Variants in GRM5 observed in about 807,000 individuals in gnomAD.
GRM5 encodes glutamate metabotropic receptor 5.
Under a neutral mutation model 83.1 loss-of-function variants are expected in GRM5, and 19 were observed. The observed-to-expected ratio is 0.23, with a 90% CI of 0.16 to 0.34. The LOEUF (loss-of-function observed/expected upper bound fraction) is 0.34, where lower values mean the gene tolerates loss of function less well. Among genes scored for constraint, GRM5 ranks in the 10% least tolerant of loss-of-function variants. The pLI is 1.00. For missense variants in GRM5, 1,160 were observed against 1,588.3 expected (o/e 0.73, Z 4.58); for synonymous variants, 675 against 633.6 (o/e 1.07, Z -0.98).
intron 2 of GRM5, among the ~76,000 whole-genome samples, chr11:88,944,142 G>A (rs1439518024): frequency 6.6e-6 from 1 of 151,970 alleles, no homozygotes; most frequent in Non-Finnish European, 1.5e-5. Context: ...TTAGGCGGGG[G>A]AAATGAGAAT....
intron 2 of GRM5, among the ~76,000 whole-genome samples, chr11:88,923,061 A>C (rs1274221317): frequency 6.6e-6 from 1 of 152,152 alleles, no homozygotes; most frequent in Non-Finnish European, 1.5e-5. Flanking sequence ...CTCTTATCCA[A>C]AAGACAGGAA....
intron 2 of GRM5, among the ~76,000 whole-genome samples, chr11:88,880,910 G>T (rs1190082779): frequency 1.3e-5 from 2 of 152,044 alleles, no homozygotes; most frequent in African/African-American, 4.8e-5. Context: ...GGAAAAAATT[G>T]CAATACCTAT....
At chr11:88,947,722 A>G (rs1179743445) in intron 2 of GRM5, among the ~76,000 whole-genome samples, 1 of 152,104 alleles carries the variant, frequency 6.6e-6, no homozygotes, top group Non-Finnish European at 1.5e-5. Flanking sequence ...TGGGTTGGGG[A>G]AGAGGGGTCA....
chr11:89,022,661 GACAGA>G (rs1269072306), intron 2 of GRM5, among the ~76,000 whole-genome samples: 2 of 152,062 alleles, frequency 1.3e-5, no homozygotes, highest in Non-Finnish European at 2.9e-5. Flanking sequence ...CAAAGAGATA[GACAGA>G]CAGACAGAGA....
intron 3 of GRM5, among the ~76,000 whole-genome samples, chr11:88,706,223 T>C (rs1941153852): frequency 6.6e-6 from 1 of 152,102 alleles, no homozygotes; most frequent in South Asian, 2.1e-4. Flanking sequence ...CGAGTACTGA[T>C]CAATATCTGT....
chr11:89,060,122 T>C (rs1039821291), intron 1 of GRM5, among the ~76,000 whole-genome samples: 1 of 152,078 alleles, frequency 6.6e-6, no homozygotes, highest in African/African-American at 2.4e-5. Context: ...ATAATGTTTA[T>C]TGTTTAGCCA....
intron 6 of GRM5, among the ~76,000 whole-genome samples, chr11:88,594,067 A>G (rs1306669576): frequency 6.6e-6 from 1 of 152,160 alleles, no homozygotes; most frequent in Non-Finnish European, 1.5e-5. Flanking sequence ...TGCTGGGATT[A>G]CAGGCGTGAG....
intron 2 of GRM5, among the ~76,000 whole-genome samples, chr11:88,851,671 C>T (rs1353997668): frequency 3.3e-5 from 5 of 152,160 alleles, no homozygotes; most frequent in African/African-American, 1.2e-4. Flanking sequence ...TGCTACCATA[C>T]CACAGGTACC....
intron 2 of GRM5, among the ~76,000 whole-genome samples, chr11:88,987,281 C>T (rs1260304451): frequency 6.6e-6 from 1 of 152,146 alleles, no homozygotes; most frequent in Non-Finnish European, 1.5e-5. Flanking sequence ...CACTCCCACC[C>T]AAATACTGCG....
intron 2 of GRM5, among the ~76,000 whole-genome samples, chr11:88,987,782 G>C (rs1186011017): frequency 2.0e-5 from 3 of 151,678 alleles, no homozygotes; most frequent in East Asian, 1.9e-4. Flanking sequence ...TACTCCAACA[G>C]ACCTGCAGCT....
chr11:88,650,616 A>G (rs72639179), intron 4 of GRM5, among the ~76,000 whole-genome samples: 1 of 152,038 alleles, frequency 6.6e-6, no homozygotes, highest in Non-Finnish European at 1.5e-5. Context: ...ATTGGATTAC[A>G]TAAGAAACTA....
chr11:88,808,516 T>C (rs982782036), intron 3 of GRM5, among the ~76,000 whole-genome samples: 1 of 151,988 alleles, frequency 6.6e-6, no homozygotes, highest in Non-Finnish European at 1.5e-5. Flanking sequence ...TATAGTTAAA[T>C]AGCATGGATT....
At position 88,645,098 on chromosome 11, in the gene GRM5, A is replaced by G. The variant is rs979562228; in HGVS notation, c.1147+8070T>C. Among the ~76,000 whole-genome samples, 6 of 152,234 alleles carry G rather than the reference A, an allele frequency of 3.9e-5. 1 individual carries two copies. Among genetic ancestry groups the G allele is most frequent in the African/African-American group, 1.4e-4 (6 of 41,574 alleles). ...AATAAATGACATTGCTACAACCCAGAGAAATCTCATTGCCAATGTACTTTT... is the reference window on the plus strand; with the variant it reads ...AATAAATGACATTGCTACAACCCAGGGAAATCTCATTGCCAATGTACTTTT... On this transcript the variant is annotated intron_variant, in intron 4 of 9. Transcript: ENST00000305447.
chr11:88,719,502 T>TAATA (rs1222865260), intron 3 of GRM5, among the ~76,000 whole-genome samples: 1 of 152,024 alleles, frequency 6.6e-6, no homozygotes, highest in Non-Finnish European at 1.5e-5. Context: ...TTTCTATTGC[T>TAATA]AATAGGGCTG....
At chr11:88,526,156 C>T (rs959853237) in intron 8 of GRM5, among the ~76,000 whole-genome samples, 24 of 152,140 alleles carry the variant, frequency 1.6e-4, no homozygotes, top group African/African-American at 4.8e-4. Flanking sequence ...ATTGGGATGC[C>T]GCCATTATTT....
intron 2 of GRM5, among the ~76,000 whole-genome samples, chr11:88,874,163 T>G (rs530864164): frequency 4.1e-4 from 20 of 48,354 alleles, no homozygotes; most frequent in African/African-American, 1.4e-3. Flanking sequence ...CCAATCTTTC[T>G]GAGATGATTT....
At chr11:88,948,746 T>C (rs1215354854) in intron 2 of GRM5, among the ~76,000 whole-genome samples, 1 of 152,228 alleles carries the variant, frequency 6.6e-6, no homozygotes, top group Non-Finnish European at 1.5e-5. Flanking sequence ...ATTGCTCTCC[T>C]ATTATGTGCA....
chr11:88,693,890 A>G, intron 3 of GRM5, among the ~76,000 whole-genome samples: 1 of 152,344 alleles, frequency 6.6e-6, no homozygotes, highest in South Asian at 2.1e-4. Flanking sequence ...GTGAGAGGGA[A>G]GGAAGGACAT....
At chr11:89,043,916 A>T (rs1351806405) in intron 2 of GRM5, among the ~76,000 whole-genome samples, 1 of 152,166 alleles carries the variant, frequency 6.6e-6, no homozygotes. Context: ...CTAGGAAGAA[A>T]GTTCTCACGT....
Sources: allele counts gnomAD v4.1 joint callset (sites outside exome capture counted in the v4.1 genomes callset), GRCh38; gene constraint gnomAD v4.1.1; transcripts MANE v1.5; gene names NCBI Gene and HGNC (gene_info 2026-07-23, HGNC 2026-07-21).